Variants in SOD3 observed in about 807,000 individuals in gnomAD.
SOD3 encodes the protein superoxide dismutase 3.
Under a neutral mutation model 2.6 loss-of-function variants are expected in SOD3, and 3 were observed. The ratio of observed to expected loss-of-function variants is 1.13; its 90% CI spans 0.52 to 2.93. The LOEUF (loss-of-function observed/expected upper bound fraction) is 2.93, where lower values mean the gene tolerates loss of function less well. SOD3 is among the 30% of genes most tolerant of loss of function. SOD3 has a pLI of 0.04. For missense variants in SOD3, 379 were observed against 370.4 expected, an observed-to-expected ratio of 1.02 and a Z score of -0.19; for synonymous variants, 188 against 177.5, an observed-to-expected ratio of 1.06 and a Z score of -0.47.
chr4:24,799,585 G>C lies in SOD3; in HGVS notation c.64G>C (p.Glu22Gln). The change falls in exon 2 of 2, where the codon GAG (glutamate) becomes CAG (glutamine). Residue 22 changes from glutamate (E) to glutamine (Q), a missense_variant. By Grantham distance (29) the Glu-to-Gln change is conservative. Transcript: ENST00000382120. ...CGGTGCCTCGGACGCCTGGACGGGC[G>C]AGGACTCGGCGGAGCCCAACTCTGA... ...AAGASDAWTG[E>Q]DSAEPNSDSA... The C allele has an allele frequency of 6.2e-7, 1 of 1,603,436 alleles. No individual in the cohort carries two copies. Among genetic ancestry groups the C allele is most frequent in the African/African-American group, 1.3e-5 (1 of 75,006 alleles).
rs1380527946 is a variant in SOD3 at position 24,799,764 on chromosome 4, C to A, written c.243C>A (p.Val81=). The part of the protein sequence containing the change: ...LDAAQPRVTG[V]VLFRQLAPRA... The stretch of plus-strand genomic sequence containing the variant: ...CCGCGCAGCCCCGGGTGACCGGCGT[C>A]GTCCTCTTCCGGCAGCTTGCGCCCC... The change falls in exon 2 of 2, where the codon GTC becomes GTA. Residue 81 remains valine, a synonymous_variant. Coordinates refer to ENST00000382120, the MANE Select transcript of SOD3 (RefSeq NM_003102.4). 1.3e-6 allele frequency: 2 copies of A among 1,568,094 alleles called. No individual in the cohort carries two copies. The highest frequency in any genetic ancestry group is 1.4e-5 in the African/African-American group (1 of 74,052).
At position 24,799,648 on chromosome 4, in the gene SOD3, A is replaced by G. The variant is rs1329984188; in HGVS notation, c.127A>G (p.Thr43Ala). 4 of 1,604,266 alleles carry G rather than the reference A, an allele frequency of 2.5e-6. No homozygotes were observed. The highest frequency in any genetic ancestry group is 3.4e-6 in the Non-Finnish European group (4 of 1,177,958). ...GATCCGAGACATGTACGCCAAGGTC[A>G]CGGAGATCTGGCAGGAGGTCATGCA... ...EWIRDMYAKV[T>A]EIWQEVMQRR... The change falls in exon 2 of 2, where the codon ACG becomes GCG. Residue 43 changes from threonine to alanine, a missense_variant. Thr to Ala is a moderately conservative substitution (Grantham distance 58). Transcript: ENST00000382120.
At chr4:24,798,635 G>A (rs970193573) in intron 1 of SOD3, among the ~76,000 whole-genome samples, 1 of 151,944 alleles carries the variant, frequency 6.6e-6, no homozygotes, top group Non-Finnish European at 1.5e-5. Context: ...TTACCAGTAG[G>A]ACTTAAGGAA....
Position 24,800,458 on chromosome 4 carries a change from C to A in SOD3, c.*214C>A. The A allele has an allele frequency of 2.4e-6, 1 of 422,500 alleles. No homozygotes were observed. The highest frequency in any genetic ancestry group is 4.2e-6 in the Non-Finnish European group (1 of 237,804). 26.2% of individuals were successfully genotyped at this position (422,500 alleles called of 1,614,324 possible). A position where few individuals can be genotyped will look rare whatever the true frequency, so the allele number is the denominator to read the frequency against. On this transcript the variant is annotated 3_prime_UTR_variant, in exon 2 of 2. Coordinates refer to ENST00000382120, the MANE Select transcript of SOD3 (RefSeq NM_003102.4). ...GCCCCAACCCTCGGAGCCCCCCACT[C>A]AGTAGGTCTGAAGGCCTCCATTTGT... is the stretch of plus-strand genomic sequence containing the variant.
At position 24,799,477 on chromosome 4, in the gene SOD3, G is replaced by GC. The variant is rs578002295; in HGVS notation, c.-16-24dup. On this transcript the variant is annotated intron_variant, in intron 1 of 1. Transcript: ENST00000382120. The stretch of plus-strand genomic sequence containing the variant: ...GTTTCACGTGACTAAGCCTCACTCT[G>GC]CCCCCACCTCCGCGGGGGCGTCCCG... 2.6e-4 allele frequency: 408 copies of GC among 1,589,932 alleles called. 2 individuals are homozygous for GC. The African/African-American group carries it at 5.1e-3, about 20-fold the overall frequency.
chr4:24,799,444 G>A lies in SOD3; in HGVS notation c.-16-62G>A. The A allele has an allele frequency of 1.9e-6, 3 of 1,549,136 alleles. No homozygotes were observed. In the South Asian group the frequency reaches 3.5e-5, roughly 18 times the overall value. On this transcript the variant is annotated intron_variant, in intron 1 of 1. Transcript: ENST00000382120. ...GGTTCTGCGATAATGGGGTCCCTGA[G>A]ATTCTATGTTTCACGTGACTAAGCC...
Position 24,799,701 on chromosome 4 carries a change from C to A in SOD3, c.180C>A (p.His60Gln), listed in dbSNP as rs544501348. 2 of 1,572,708 alleles carry A rather than the reference C, an allele frequency of 1.3e-6. No homozygotes were observed. Among genetic ancestry groups the A allele is most frequent in the African/African-American group, 1.3e-5 (1 of 74,214 alleles). ...GGCGGGACGACGACGGCGCGCTCCACGCCGCCTGCCAGGTGCAGCCGTCGG... is the reference window on the plus strand; with the variant it reads ...GGCGGGACGACGACGGCGCGCTCCAAGCCGCCTGCCAGGTGCAGCCGTCGG... ...MQRRDDDGAL[H>Q]AACQVQPSAT... The change falls in exon 2 of 2, where the codon CAC becomes CAA. Residue 60 changes from histidine (H) to glutamine (Q), a missense_variant. Physicochemically the swap from His to Gln is conservative, Grantham distance 24. Transcript: ENST00000382120.
Position 24,800,044 on chromosome 4 carries a change from G to T in SOD3, c.523G>T (p.Gly175Cys). ...GCTCGCGGGCCCGCACTCCATCGTGGGCCGGGCCGTGGTCGTCCACGCTGG... is the reference window on the plus strand; with the variant it reads ...GCTCGCGGGCCCGCACTCCATCGTGTGCCGGGCCGTGGTCGTCCACGCTGG... ...ASLAGPHSIVGRAVVVHAGED... is the reference protein window; with the variant it reads ...ASLAGPHSIVCRAVVVHAGED... Residue 175 changes from glycine (G) to cysteine (C), a missense_variant, in exon 2 of 2, where the codon GGC becomes TGC. Gly to Cys is a radical substitution (Grantham distance 159, BLOSUM62 -3). Transcript: ENST00000382120. 6.7e-7 allele frequency: 1 copy of T among 1,489,256 alleles called. No homozygotes were observed. Among genetic ancestry groups the T allele is most frequent in the Non-Finnish European group, 8.8e-7 (1 of 1,130,268 alleles). 92.3% of individuals were successfully genotyped at this position (1,489,256 alleles called of 1,614,324 possible).
At position 24,800,434 on chromosome 4, in the gene SOD3, C is replaced by A. The variant is rs575395898; in HGVS notation, c.*190C>A. On this transcript the variant is annotated 3_prime_UTR_variant, in exon 2 of 2. Transcript: ENST00000382120. ...CACCATCCTTCCATCCTGAGGACCGCCCCAACCCTCGGAGCCCCCCACTCA... is the reference window on the plus strand; with the variant it reads ...CACCATCCTTCCATCCTGAGGACCGACCCAACCCTCGGAGCCCCCCACTCA... 7.6e-5 allele frequency: 38 copies of A among 496,970 alleles called. No individual in the cohort carries two copies. In the Admixed American group the frequency reaches 9.9e-4, roughly 13 times the overall value. The allele number at this position is 496,970 out of a possible 1,614,324, so 30.8% of individuals were successfully genotyped here.
In SOD3 at chr4:24,799,662, G is replaced by A; in HGVS notation, c.141G>A (p.Gln47=). 1.2e-6 allele frequency: 2 copies of A among 1,602,584 alleles called. No individual in the cohort carries two copies. Among genetic ancestry groups the A allele is most frequent in the Non-Finnish European group, 1.7e-6 (2 of 1,177,170 alleles). ...ACGCCAAGGTCACGGAGATCTGGCAGGAGGTCATGCAGCGGCGGGACGACG... is the reference window on the plus strand; with the variant it reads ...ACGCCAAGGTCACGGAGATCTGGCAAGAGGTCATGCAGCGGCGGGACGACG... The part of the protein sequence containing the change: ...DMYAKVTEIW[Q]EVMQRRDDDG... Residue 47 remains glutamine (Q), a synonymous_variant, in exon 2 of 2, where the codon CAG becomes CAA. Coordinates refer to ENST00000382120, the MANE Select transcript of SOD3 (RefSeq NM_003102.4).
chr4:24,797,102 C>T (rs1713687921), intron 1 of SOD3, among the ~76,000 whole-genome samples: 1 of 152,162 alleles, frequency 6.6e-6, no homozygotes, highest in African/African-American at 2.4e-5. Flanking sequence ...TTCTTGGAGC[C>T]TTTCAAGGGG....
At chr4:24,799,463 C>G in intron 1 of SOD3, 43 bp from the exon 2 acceptor site, 1 of 1,580,492 alleles carries the variant, frequency 6.3e-7, no homozygotes. Context: ...TTTCACGTGA[C>G]TAAGCCTCAC....
At position 24,799,556 on chromosome 4, in the gene SOD3, C is replaced by A; in HGVS notation, c.35C>A (p.Ala12Glu). 6.2e-7 allele frequency: 1 copy of A among 1,601,450 alleles called. No individual in the cohort carries two copies. Among genetic ancestry groups the A allele is most frequent in the Non-Finnish European group, 8.5e-7 (1 of 1,179,102 alleles). The change falls in exon 2 of 2, where the codon GCA (alanine) becomes GAA (glutamate). Residue 12 changes from alanine to glutamate, a missense_variant. Physicochemically the swap from Ala to Glu is moderately radical, Grantham distance 107. Transcript: ENST00000382120. ...CTACTGTGTTCCTGCCTGCTCCTGG[C>A]AGCCGGTGCCTCGGACGCCTGGACG... Reference protein sequence around the residue: ...LALLCSCLLLAAGASDAWTGE... With the variant: ...LALLCSCLLLEAGASDAWTGE...
At position 24,799,981 on chromosome 4, in the gene SOD3, G is replaced by T. The variant is rs1192995105; in HGVS notation, c.460G>T (p.Gly154Cys). Residue 154 changes from glycine (G) to cysteine (C), a missense_variant, in exon 2 of 2, where the codon GGC (glycine) becomes TGC (cysteine). Coordinates refer to ENST00000382120, the MANE Select transcript of SOD3 (RefSeq NM_003102.4). ...GDFGNFAVRD[G>C]SLWRYRAGLA... is the part of the protein sequence containing the mutation. ...CTTCGGCAACTTCGCGGTCCGCGACGGCAGCCTCTGGAGGTACCGCGCCGG... is the reference window on the plus strand; with the variant it reads ...CTTCGGCAACTTCGCGGTCCGCGACTGCAGCCTCTGGAGGTACCGCGCCGG... 1 of 1,582,854 alleles carries T rather than the reference G, an allele frequency of 6.3e-7. No homozygotes were observed. The highest frequency in any genetic ancestry group is 1.7e-5 in the Admixed American group (1 of 58,198).
chr4:24,799,432 TG>T (rs1713762350), intron 1 of SOD3, 73 bp from the exon 2 acceptor site: 2 of 1,517,436 alleles, frequency 1.3e-6, no homozygotes, highest in Non-Finnish European at 1.8e-6. Context: ...TCTGCGATAA[TG>T]GGGTCCCTGA....
In SOD3 at chr4:24,796,905, C is replaced by A. The variant is rs533035605; in HGVS notation, c.-17+1254C>A. Among the ~76,000 whole-genome samples the A allele has an allele frequency of 9.9e-5, 15 of 152,246 alleles. No individual in the cohort carries two copies. The South Asian group carries it at 1.9e-3, about 19-fold the overall frequency. On this transcript the variant is annotated intron_variant, in intron 1 of 1. Transcript: ENST00000382120. Reference sequence around the variant, plus strand: ...TAAGCAGCAGAGCCCTTCTGAGTGGCAGGGCTGTCTTAGGAGGAAGGTGTC... The same window carrying A: ...TAAGCAGCAGAGCCCTTCTGAGTGGAAGGGCTGTCTTAGGAGGAAGGTGTC...
rs1171275446 is a variant in SOD3, at chr4:24,799,917, C to T, written c.396C>T (p.Tyr132=). ...GCTGCGAGTCCACCGGGCCCCACTACAACCCGCTGGCCGTGCCGCACCCGC... is the reference window on the plus strand; with the variant it reads ...GCTGCGAGTCCACCGGGCCCCACTATAACCCGCTGGCCGTGCCGCACCCGC... ...SQGCESTGPH[Y]NPLAVPHPQH... The change falls in exon 2 of 2, where the codon TAC becomes TAT. Residue 132 remains tyrosine (Y), a synonymous_variant. Coordinates refer to ENST00000382120, the MANE Select transcript of SOD3 (RefSeq NM_003102.4). The T allele has an allele frequency of 5.6e-6, 9 of 1,599,350 alleles. No individual in the cohort carries two copies. The highest frequency in any genetic ancestry group is 5.9e-6 in the Non-Finnish European group (7 of 1,178,540).
chr4:24,799,438 C>T (rs1310599512), intron 1 of SOD3, 68 bp from the exon 2 acceptor site: 2 of 1,532,282 alleles, frequency 1.3e-6, no homozygotes, highest in African/African-American at 2.7e-5. Flanking sequence ...ATAATGGGGT[C>T]CCTGAGATTC....
intron 1 of SOD3, among the ~76,000 whole-genome samples, chr4:24,798,771 C>T (rs1577362777): frequency 1.3e-5 from 2 of 152,298 alleles, no homozygotes; most frequent in Non-Finnish European, 2.9e-5. Context: ...GTTCAAAAGT[C>T]ACCACCTCTG....
Sources: gnomAD v4.1 joint callset for allele counts (sites outside exome capture counted in the v4.1 genomes callset) on GRCh38, gnomAD v4.1.1 for gene constraint, MANE v1.5 for transcripts, NCBI Gene and HGNC (gene_info 2026-07-23, HGNC 2026-07-21) for gene names.